Variants in TBCD observed in about 807,000 individuals in gnomAD.
The protein encoded by TBCD is tubulin folding cofactor D, also known as tubulin-specific chaperone D.
In TBCD, 105 loss-of-function variants were observed where a neutral mutation model predicts 169.3. The ratio of observed to expected loss-of-function variants is 0.62; its 90% CI spans 0.53 to 0.73. The LOEUF is 0.73. TBCD is among the 30% of genes least tolerant of loss of function. The pLI is 0.00. For missense variants in TBCD, 1,444 were observed against 1,600.1 expected, an observed-to-expected ratio of 0.90 and a Z score of 1.66; for synonymous variants, 700 against 643.9, an observed-to-expected ratio of 1.09 and a Z score of -1.32.
intron 13 of TBCD, among the ~76,000 whole-genome samples, chr17:82,868,021 G>C (rs114404312): frequency 0.025 from 3,754 of 152,300 alleles, 180 homozygotes; most frequent in African/African-American, 0.085. Flanking sequence ...TGGCCGTGCA[G>C]GGCCTTCCAC....
Position 82,880,688 on chromosome 17 carries a change from G to A in TBCD, c.1476-3457G>A, listed in dbSNP as rs954998816. ...CGGAGGTATCAGCAGGAACTGCAGG[G>A]TCCCTACCGCAGGCTCCCCACACAG... On this transcript the variant is annotated intron_variant, in intron 14 of 38. Transcript: ENST00000355528. This position sits in a 1 kb window ranked among gnomAD's most constrained non-coding sequence, Gnocchi z 5.0. Among the ~76,000 whole-genome samples the A allele has an allele frequency of 1.3e-5, 2 of 152,116 alleles. No individual in the cohort carries two copies. The highest frequency in any genetic ancestry group is 2.9e-5 in the Non-Finnish European group (2 of 68,014).
chr17:82,940,713 C>G lies in TBCD; in HGVS notation c.3480-686C>G, dbSNP rs572629045. On this transcript the variant is annotated intron_variant, in intron 37 of 38. Coordinates refer to ENST00000355528, the MANE Select transcript of TBCD (RefSeq NM_005993.5). The stretch of plus-strand genomic sequence containing the variant: ...TTCTCAACATGCGTTGAGAGAATGG[C>G]CATCTTAACTACTGCTCTGGAGACC... 2.0e-5 allele frequency among the ~76,000 whole-genome samples: 3 copies of G among 152,236 alleles called. No individual in the cohort carries two copies. In the East Asian group the frequency reaches 5.8e-4, roughly 29 times the overall value.
At chr17:82,836,696 AAAC>A (rs1477788967) in intron 13 of TBCD, among the ~76,000 whole-genome samples, 25 of 143,364 alleles carry the variant, frequency 1.7e-4, no homozygotes, top group African/African-American at 6.8e-4. Flanking sequence ...GCAAAAAAAA[AAAC>A]AAAACAAAAC....
intron 5 of TBCD, 44 bp from the exon 6 acceptor site, chr17:82,772,408 C>T (rs958301307): frequency 1.1e-5 from 17 of 1,606,864 alleles, no homozygotes; most frequent in Admixed American, 5.0e-5. Context: ...CCAAGGCTGG[C>T]GTGTGCAGGA....
chr17:82,772,419 G>A, intron 5 of TBCD, 33 bp from the exon 6 acceptor site: 2 of 1,613,502 alleles, frequency 1.2e-6, no homozygotes. Context: ...GTGTGCAGGA[G>A]TGACCGTGTC....
intron 34 of TBCD, chr17:82,932,952 G>A (rs551899858): frequency 5.6e-5 from 32 of 569,332 alleles, no homozygotes; most frequent in African/African-American, 3.8e-4. Flanking sequence ...GACTGTAAGT[G>A]CAGTCAGCCC....
intron 13 of TBCD, chr17:82,838,853 C>A: frequency 1.0e-6 from 1 of 985,430 alleles, no homozygotes; most frequent in South Asian, 4.7e-5. Flanking sequence ...AAACGCTCAC[C>A]ACTTTACAGT....
chr17:82,844,124 C>A (rs887891489), intron 13 of TBCD, among the ~76,000 whole-genome samples: 1 of 151,466 alleles, frequency 6.6e-6, no homozygotes, highest in East Asian at 1.9e-4. Flanking sequence ...TCATGCAGTA[C>A]TTTCAGTAGC....
chr17:82,797,803 G>A lies in TBCD; in HGVS notation c.817+1G>A. The A allele has an allele frequency of 6.4e-7, 1 of 1,574,436 alleles. No homozygotes were observed. The highest frequency in any genetic ancestry group is 8.6e-7 in the Non-Finnish European group (1 of 1,167,716). On this transcript the variant is annotated splice_donor_variant, in intron 8 of 38. Coordinates refer to ENST00000355528, the MANE Select transcript of TBCD (RefSeq NM_005993.5). LOFTEE classifies it high-confidence loss of function. ...AAACGTGAAGACTGTTTGCCCTATG[G>A]TAAGGTTTATTTTTAAGAGACGATA...
intron 35 of TBCD, 133 bp from the exon 36 acceptor site, chr17:82,937,916 G>A (rs1175698660): frequency 1.3e-6 from 2 of 1,534,016 alleles, no homozygotes; most frequent in African/African-American, 1.4e-5. Flanking sequence ...CCTCCGGCTT[G>A]GGGCCCCAGG....
At position 82,874,736 on chromosome 17, in the gene TBCD, G is replaced by A. The variant is rs966442425; in HGVS notation, c.1475+4356G>A. 2.0e-5 allele frequency among the ~76,000 whole-genome samples: 3 copies of A among 152,318 alleles called. No individual in the cohort carries two copies. Among genetic ancestry groups the A allele is most frequent in the Non-Finnish European group, 2.9e-5 (2 of 68,010 alleles). ...TGAGCGTGTGGGATGCTGCTGGTGCGAGCCTCCCTGCCCAGGAGCCCTGCG... is the reference window on the plus strand; with the variant it reads ...TGAGCGTGTGGGATGCTGCTGGTGCAAGCCTCCCTGCCCAGGAGCCCTGCG... On this transcript the variant is annotated intron_variant, in intron 14 of 38. Coordinates refer to ENST00000355528, the MANE Select transcript of TBCD (RefSeq NM_005993.5). The surrounding 1 kb of genome is among the most constrained non-coding windows in gnomAD (Gnocchi z 5.0).
intron 2 of TBCD, among the ~76,000 whole-genome samples, chr17:82,760,274 G>A (rs1233883471): frequency 1.3e-5 from 2 of 152,086 alleles, no homozygotes; most frequent in African/African-American, 4.8e-5. Flanking sequence ...GATGAACTCC[G>A]GAATTATTTT....
rs182094871 is a variant in TBCD at position 82,831,612 on chromosome 17, C to T, written c.1318+16678C>T. The T allele has an allele frequency of 5.5e-5, 88 of 1,614,108 alleles. No homozygotes were observed. Among genetic ancestry groups the T allele is most frequent in the African/African-American group, 2.7e-4 (20 of 75,006 alleles). ...GCCCCGGGTGAGGCAGGAAGTGTCT[C>T]GGGTCTTGGGTTCCGTAGACTGACA... On this transcript the variant is annotated intron_variant, in intron 13 of 38. Transcript: ENST00000355528. The surrounding 1 kb of genome is among the most constrained non-coding windows in gnomAD (Gnocchi z 4.6).
chr17:82,941,556 T>C (rs1415700084), intron 38 of TBCD, 73 bp downstream of exon 38: 3 of 1,369,424 alleles, frequency 2.2e-6, no homozygotes, highest in Non-Finnish European at 3.0e-6. Flanking sequence ...GGCCAGCGGC[T>C]GTGCTTAGCT....
At chr17:82,854,576 G>A (rs1047934602) in intron 13 of TBCD, among the ~76,000 whole-genome samples, 1 of 152,142 alleles carries the variant, frequency 6.6e-6, no homozygotes, top group African/African-American at 2.4e-5. Context: ...TGTTGAAAAT[G>A]TCAGAAAGGC....
At chr17:82,828,828 C>T (rs140175535) in intron 13 of TBCD, among the ~76,000 whole-genome samples, 39 of 151,320 alleles carry the variant, frequency 2.6e-4, no homozygotes, top group Admixed American at 5.9e-4. Context: ...CGAATGTGCA[C>T]GCCTAATCAG....
intron 23 of TBCD, among the ~76,000 whole-genome samples, chr17:82,919,761 A>G (rs1338999519): frequency 1.3e-5 from 2 of 152,108 alleles, no homozygotes; most frequent in African/African-American, 4.8e-5. Context: ...GTTCAGTTTG[A>G]TGAGTGGCAG....
intron 37 of TBCD, among the ~76,000 whole-genome samples, chr17:82,940,207 T>C (rs1251954160): frequency 1.3e-5 from 1 of 76,900 alleles, no homozygotes; most frequent in South Asian, 4.6e-4. Context: ...ACACACATGC[T>C]CACTTGCACG....
At chr17:82,827,944 C>A (rs138599277) in intron 13 of TBCD, among the ~76,000 whole-genome samples, 1 of 148,058 alleles carries the variant, frequency 6.8e-6, no homozygotes, top group Non-Finnish European at 1.5e-5. Flanking sequence ...GACACCCACA[C>A]GATTGAATGT....
Sources: allele counts gnomAD v4.1 joint callset (sites outside exome capture counted in the v4.1 genomes callset), GRCh38; gene constraint gnomAD v4.1.1; non-coding constraint Gnocchi (gnomAD v3.1); transcripts MANE v1.5; gene names NCBI Gene and HGNC (gene_info 2026-07-23, HGNC 2026-07-21).